NLRP2: variants seen among roughly 807,000 people sequenced by gnomAD.
NLRP2 encodes the protein NLR family pyrin domain containing 2.
NLRP2 carries 107 observed loss-of-function variants against 97.2 expected under a neutral mutation model. That is an observed-to-expected ratio of 1.10 (90% CI 0.94 to 1.29). NLRP2 has a LOEUF of 1.29. Among genes scored for constraint, NLRP2 ranks in the 50% most tolerant of loss-of-function variants. The pLI is 0.00. For synonymous variants in NLRP2, 663 were observed against 551.5 expected (o/e 1.20, Z -2.83); for missense variants, 1,495 against 1,330.3 (o/e 1.12, Z -1.93).
chr19:54,992,640 C>T (rs1443043640), intron 10 of NLRP2, among the ~76,000 whole-genome samples: 12 of 143,398 alleles, frequency 8.4e-5, no homozygotes, highest in African/African-American at 1.8e-4. Flanking sequence ...TCTCAGCTCA[C>T]TGCAACCTCC....
At chr19:54,987,139 C>T (rs1473549475) in intron 8 of NLRP2, among the ~76,000 whole-genome samples, 1 of 150,214 alleles carries the variant, frequency 6.7e-6, no homozygotes, top group Non-Finnish European at 1.5e-5. Context: ...CCCCCCCACC[C>T]CCACCCCACC....
chr19:54,982,594 C>T lies in NLRP2; in HGVS notation c.896C>T (p.Ala299Val), dbSNP rs149627959. Residue 299 changes from alanine to valine, a missense_variant, in exon 6 of 13, where the codon GCG becomes GTG. By Grantham distance (64) the Ala-to-Val change is moderately conservative. Transcript: ENST00000448584. ...GATGAGCTGGGAGCCGCACCTGGGG[C>T]GCTGATCGAGGACATCTGCGGGGAC... ...GFDELGAAPGALIEDICGDWE... is the reference protein window; with the variant it reads ...GFDELGAAPGVLIEDICGDWE... 5.5e-5 allele frequency: 88 copies of T among 1,614,164 alleles called. 1 individual carries two copies. Among genetic ancestry groups the T allele is most frequent in the African/African-American group, 4.8e-4 (36 of 75,026 alleles).
chr19:54,986,670 C>T (rs762929872), intron 8 of NLRP2, among the ~76,000 whole-genome samples: 4 of 152,034 alleles, frequency 2.6e-5, no homozygotes, highest in Non-Finnish European at 4.4e-5. Context: ...GCTGCCTCAG[C>T]CTCCCAAGTT....
chr19:54,997,337 C>A lies in NLRP2; in HGVS notation c.2900C>A (p.Pro967His). Residue 967 changes from proline (P) to histidine (H), a missense_variant, in exon 12 of 13, where the codon CCT becomes CAT. Physicochemically the swap from Pro to His is moderately conservative, Grantham distance 77. Coordinates refer to ENST00000448584, the MANE Select transcript of NLRP2 (RefSeq NM_017852.5). ...CCCAGGTTGTGGGGATGTTCCATCC[C>A]TCCGTTCAGTTGTGAAGACCTCTGC... ...RCLWLWGCSI[P>H]PFSCEDLCSA... The A allele has an allele frequency of 6.2e-7, 1 of 1,613,880 alleles. No individual in the cohort carries two copies. The highest frequency in any genetic ancestry group is 8.5e-7 in the Non-Finnish European group (1 of 1,180,026).
rs751635181 is a variant in NLRP2 at position 55,001,032 on chromosome 19, A to T, written c.*134A>T. ...CATTGCTGGGCTAGATGTTTTAGCC[A>T]TGATTCTGCCTCTGTTTTATACCTG... is the stretch of plus-strand genomic sequence containing the variant. On this transcript the variant is annotated 3_prime_UTR_variant, in exon 13 of 13. Transcript: ENST00000448584. The T allele has an allele frequency of 6.5e-6, 5 of 772,280 alleles. No individual in the cohort carries two copies. Among genetic ancestry groups the T allele is most frequent in the Middle Eastern group, 6.3e-4 (2 of 3,200 alleles). 47.8% of individuals were successfully genotyped at this position (772,280 alleles called of 1,614,324 possible). A position where few individuals can be genotyped will look rare whatever the true frequency, so the allele number is the denominator to read the frequency against.
intron 2 of NLRP2, among the ~76,000 whole-genome samples, chr19:54,973,344 G>GTT (rs10673643): frequency 0.44 from 40,323 of 91,368 alleles, 8,369 homozygotes; most frequent in East Asian, 0.53. Context: ...ATGGGTGAGG[G>GTT]TTTTTTTTTT....
intron 2 of NLRP2, among the ~76,000 whole-genome samples, chr19:54,972,836 G>T (rs1026152933): frequency 1.3e-5 from 2 of 152,028 alleles, no homozygotes; most frequent in Non-Finnish European, 1.5e-5. Context: ...AAATGTGCCC[G>T]TTGGGTACCC....
intron 11 of NLRP2, 143 bp from the exon 12 acceptor site, chr19:54,997,174 G>A: frequency 1.2e-6 from 1 of 829,368 alleles, no homozygotes; most frequent in Non-Finnish European, 2.1e-6. Flanking sequence ...CAAAGTGCTG[G>A]GATTACAGGC....
rs1393685920 is a variant in NLRP2, at chr19:54,970,090, G to C, written c.75G>C (p.Lys25Asn). The C allele has an allele frequency of 6.2e-7, 1 of 1,613,982 alleles. No homozygotes were observed. The highest frequency in any genetic ancestry group is 1.3e-5 in the African/African-American group (1 of 74,922). The change falls in exon 2 of 13, where the codon AAG (lysine) becomes AAC (asparagine). Residue 25 changes from lysine (K) to asparagine (N), a missense_variant. Lys to Asn is a moderately conservative substitution (Grantham distance 94). Transcript: ENST00000448584. ...AGCTCAGCCAGGATGAGTTGAGCAA[G>C]TTCAAGTATCTGATCACGACCTTCT... is the stretch of plus-strand genomic sequence containing the variant. ...LEQLSQDELS[K>N]FKYLITTFSL... is the part of the protein sequence containing the mutation.
intron 4 of NLRP2, among the ~76,000 whole-genome samples, chr19:54,980,204 TTTG>T (rs1452081389): frequency 7.2e-5 from 7 of 97,324 alleles, no homozygotes; most frequent in African/African-American, 2.7e-4. Context: ...AATGTTTTGT[TTTG>T]TTTTTTTTTT....
intron 8 of NLRP2, 113 bp downstream of exon 8, chr19:54,986,428 C>G (rs2072092187): frequency 3.2e-6 from 3 of 944,194 alleles, no homozygotes; most frequent in Non-Finnish European, 5.1e-6. Flanking sequence ...AGAAACAGTA[C>G]TAAGGGCAGA....
At chr19:54,993,989 C>G (rs549467414) in intron 10 of NLRP2, 13 of 533,106 alleles carry the variant, frequency 2.4e-5, no homozygotes, top group Non-Finnish European at 4.1e-5. Flanking sequence ...TATGAGGATC[C>G]CTGTGATTGC....
chr19:54,996,720 A>C (rs1192422502), intron 11 of NLRP2, among the ~76,000 whole-genome samples: 3 of 150,056 alleles, frequency 2.0e-5, no homozygotes, highest in African/African-American at 7.6e-5. Flanking sequence ...ATGTATCTTC[A>C]GGGCCTCTGC....
In NLRP2 at chr19:54,977,949, A is replaced by T. The variant is rs8105871; in HGVS notation, c.397+126A>T. On this transcript the variant is annotated intron_variant, in intron 4 of 12. Transcript: ENST00000448584. ...TTCCTCCACTATTCTTAATGTGCCC[A>T]CTGTCTCCTGGAGAATGCCAACCTC... 333 of 887,218 alleles carry T rather than the reference A, an allele frequency of 3.8e-4. No individual in the cohort carries two copies. The African/African-American group carries it at 4.8e-3, about 13-fold the overall frequency. The allele number at this position is 887,218 out of a possible 1,614,324, so 55.0% of individuals were successfully genotyped here.
intron 3 of NLRP2, chr19:54,977,046 C>T (rs1033195786): frequency 3.2e-6 from 1 of 312,102 alleles, no homozygotes; most frequent in African/African-American, 2.3e-5. Context: ...ATCTCCTGAC[C>T]TCATGATCCG....
At chr19:54,991,728 G>A (rs1367665538) in intron 10 of NLRP2, among the ~76,000 whole-genome samples, 1 of 151,224 alleles carries the variant, frequency 6.6e-6, no homozygotes, top group African/African-American at 2.4e-5. Flanking sequence ...AATTAGCTAG[G>A]CGTGGTGGTA....
intron 4 of NLRP2, among the ~76,000 whole-genome samples, chr19:54,980,431 T>C (rs1478406996): frequency 1.3e-5 from 2 of 151,938 alleles, no homozygotes; most frequent in African/African-American, 4.8e-5. Context: ...CCTGACCTTA[T>C]GATCCACCCG....
chr19:54,968,790 C>T (rs1443444776), intron 1 of NLRP2, among the ~76,000 whole-genome samples: 1 of 149,814 alleles, frequency 6.7e-6, no homozygotes, highest in Admixed American at 6.7e-5. Flanking sequence ...CTGCCTCCCA[C>T]TCCCAGGTTC....
intron 4 of NLRP2, among the ~76,000 whole-genome samples, chr19:54,980,285 A>C (rs761057021): frequency 2.8e-4 from 42 of 151,074 alleles, no homozygotes; most frequent in Non-Finnish European, 5.0e-4. Context: ...TGCAAGCTCC[A>C]TCTCCCGGGT....
Sources: allele counts gnomAD v4.1 joint callset (sites outside exome capture counted in the v4.1 genomes callset), GRCh38; gene constraint gnomAD v4.1.1; transcripts MANE v1.5; gene names NCBI Gene and HGNC (gene_info 2026-07-23, HGNC 2026-07-21).